PPFIA4: variants seen among roughly 807,000 people sequenced by gnomAD.
The protein encoded by PPFIA4 is liprin-alpha-4.
In PPFIA4, 98 loss-of-function variants were observed where a neutral mutation model predicts 145.7. The observed-to-expected ratio is 0.67, with a 90% CI of 0.57 to 0.80. The LOEUF is 0.80. PPFIA4 is among the 30% of genes least tolerant of loss of function. The probability of loss-of-function intolerance (pLI) is 0.00; values close to 1 mark genes in which losing one functional copy is unlikely to be tolerated. For synonymous variants in PPFIA4, 628 were observed against 649.6 expected, an observed-to-expected ratio of 0.97 and a Z score of 0.51; for missense variants, 1,457 against 1,632.7, an observed-to-expected ratio of 0.89 and a Z score of 1.85.
intron 27 of PPFIA4, among the ~76,000 whole-genome samples, chr1:203,069,262 A>G (rs1251393253): frequency 6.6e-6 from 1 of 152,200 alleles, no homozygotes; most frequent in Non-Finnish European, 1.5e-5. Context: ...TGGCCTTTCT[A>G]ACTTCCTGTG....
intron 1 of PPFIA4, among the ~76,000 whole-genome samples, chr1:203,036,530 G>A (rs182848116): frequency 7.2e-5 from 11 of 151,788 alleles, no homozygotes; most frequent in Non-Finnish European, 1.3e-4. Flanking sequence ...TTGGCCTCTC[G>A]TGGCATCTTG....
intron 28 of PPFIA4, among the ~76,000 whole-genome samples, chr1:203,073,265 G>A (rs1215044711): frequency 6.6e-6 from 1 of 152,234 alleles, no homozygotes; most frequent in African/African-American, 2.4e-5. Context: ...GAGCAGGACC[G>A]AAGCAGATGC....
rs139954622 is a variant in PPFIA4 at position 203,068,112 on chromosome 1, A to G, written c.3148+320A>G. Among the ~76,000 whole-genome samples the G allele has an allele frequency of 5.3e-3, 803 of 152,252 alleles. 8 individuals are homozygous for G. The highest frequency in any genetic ancestry group is 0.018 in the African/African-American group (753 of 41,526). On this transcript the variant is annotated intron_variant, in intron 26 of 29. Transcript: ENST00000295706. The surrounding 1 kb of genome is among the most constrained non-coding windows in gnomAD (Gnocchi z 4.7). ...TGGATGGGGCTGGATGGGAGATGCA[A>G]GTCTTAGAGGAGACCTTGAAGGTGG...
chr1:203,076,078 T>TAAGTGGGCC, intron 29 of PPFIA4: 1 of 588,300 alleles, frequency 1.7e-6, no homozygotes. Flanking sequence ...TGGCTCGGGG[T>TAAGTGGGCC]AAGTGGGCCA....
intron 24 of PPFIA4, chr1:203,063,392 C>G: frequency 6.0e-6 from 1 of 166,232 alleles, no homozygotes; most frequent in Non-Finnish European, 1.3e-5. Context: ...AGCCTTGTCC[C>G]GGAGTGAGAC....
rs542320355 is a variant in PPFIA4 at position 203,043,171 on chromosome 1, G to A, written c.235-226G>A. Among the ~76,000 whole-genome samples the A allele has an allele frequency of 6.6e-6, 1 of 152,286 alleles. No individual in the cohort carries two copies. The highest frequency in any genetic ancestry group is 2.1e-4 in the South Asian group (1 of 4,824). On this transcript the variant is annotated intron_variant, in intron 2 of 29. Coordinates refer to ENST00000295706, the MANE Select transcript of PPFIA4 (RefSeq NM_001304331.2). The surrounding 1 kb of genome is among the most constrained non-coding windows in gnomAD (Gnocchi z 4.4). ...CTCTTGTGTACAACTCTGTTCCCTT[G>A]GATTCTAACACATGGAATGCATGGA...
At chr1:203,040,594 G>A (rs1244547006) in intron 2 of PPFIA4, among the ~76,000 whole-genome samples, 1 of 152,252 alleles carries the variant, frequency 6.6e-6, no homozygotes, top group Non-Finnish European at 1.5e-5. Context: ...CTAGGAAGGA[G>A]ATACACCACC....
At chr1:203,052,848 G>A (rs1159283008) in intron 14 of PPFIA4, among the ~76,000 whole-genome samples, 1 of 152,208 alleles carries the variant, frequency 6.6e-6, no homozygotes, top group Non-Finnish European at 1.5e-5. Flanking sequence ...GCCTCTCAGG[G>A]TTGACCAGAC....
intron 2 of PPFIA4, among the ~76,000 whole-genome samples, chr1:203,039,566 C>A (rs1320147333): frequency 6.6e-6 from 1 of 152,190 alleles, no homozygotes; most frequent in African/African-American, 2.4e-5. Context: ...GTGCCCTATT[C>A]TTGGAGGTGG....
Position 203,055,992 on chromosome 1 carries a change from T to C in PPFIA4, c.2071-128T>C. ...GCTTTTTTTTTTTTTTCTGGCGTGA[T>C]ATTCTCTCCGGGCCTGTGTGAGGCA... On this transcript the variant is annotated intron_variant, in intron 16 of 29. Coordinates refer to ENST00000295706, the MANE Select transcript of PPFIA4 (RefSeq NM_001304331.2). The surrounding 1 kb of genome is among the most constrained non-coding windows in gnomAD (Gnocchi z 4.8). The C allele has an allele frequency of 2.2e-6, 2 of 918,898 alleles. No homozygotes were observed. Among genetic ancestry groups the C allele is most frequent in the Admixed American group, 2.9e-5 (1 of 34,314 alleles). The allele number at this position is 918,898 out of a possible 1,614,324, so 56.9% of individuals were successfully genotyped here. A position where few individuals can be genotyped will look rare whatever the true frequency, so the allele number is the denominator to read the frequency against.
At chr1:203,051,439 G>T (rs1049618570) in intron 13 of PPFIA4, 4 of 694,514 alleles carry the variant, frequency 5.8e-6, no homozygotes, top group South Asian at 4.9e-5. Context: ...GCCTCTGCTC[G>T]AATACCTCTT....
rs746417450 is a variant in PPFIA4, at chr1:203,057,056, G to C, written c.2407+106G>C. ...CTGCCTGCGTCCCAGGGACCAGTTG[G>C]GGGAAGCCCCAGGCAGGTTACCTCA... On this transcript the variant is annotated intron_variant, in intron 19 of 29. Transcript: ENST00000295706. The C allele has an allele frequency of 1.4e-4, 218 of 1,552,428 alleles. 1 individual carries two copies. The highest frequency in any genetic ancestry group is 7.2e-5 in the Non-Finnish European group (83 of 1,146,656).
rs535583347 is a variant in PPFIA4 at position 203,059,258 on chromosome 1, C to T, written c.2488C>T (p.Arg830Trp). The T allele has an allele frequency of 1.8e-5, 27 of 1,532,454 alleles. No homozygotes were observed. The South Asian group carries it at 2.3e-4, about 13-fold the overall frequency. 94.9% of individuals were successfully genotyped at this position (1,532,454 alleles called of 1,614,324 possible). Residue 830 changes from arginine to tryptophan, a missense_variant, in exon 20 of 30, where the codon CGG (arginine) becomes TGG (tryptophan). Transcript: ENST00000295706. ...KLGTQAEKDR[R>W]LKKKHQLLED... ...GGGGACCCAGGCAGAGAAGGACCGG[C>T]GGCTAAAGAAGAAGTAAGAGCCACA...
intron 2 of PPFIA4, among the ~76,000 whole-genome samples, chr1:203,040,120 A>T (rs1445915182): frequency 6.6e-6 from 1 of 152,238 alleles, no homozygotes; most frequent in Non-Finnish European, 1.5e-5. Flanking sequence ...TGGGCTGTTT[A>T]GCTGCTGCTT....
Position 203,060,493 on chromosome 1 carries a change from T to C in PPFIA4, c.2784+76T>C. 1.3e-6 allele frequency: 2 copies of C among 1,484,770 alleles called. No individual in the cohort carries two copies. The highest frequency in any genetic ancestry group is 1.2e-5 in the South Asian group (1 of 86,196). The allele number at this position is 1,484,770 out of a possible 1,614,324, so 92.0% of individuals were successfully genotyped here. Reference sequence around the variant, plus strand: ...GTTTGCAAGGTCTCCTGTTGGGCTTTGGGAAGATGGCAGCATTGAGCCCTG... The same window carrying C: ...GTTTGCAAGGTCTCCTGTTGGGCTTCGGGAAGATGGCAGCATTGAGCCCTG... On this transcript the variant is annotated intron_variant, in intron 22 of 29. Coordinates refer to ENST00000295706, the MANE Select transcript of PPFIA4 (RefSeq NM_001304331.2). This position sits in a 1 kb window ranked among gnomAD's most constrained non-coding sequence, Gnocchi z 4.8.
In PPFIA4 at chr1:203,043,809, G is replaced by A. The variant is rs973082688; in HGVS notation, c.337-122G>A. ...TCTGTGCCCATTTGGAAGTATTTCA[G>A]TGTTTTCACAGTGGGGTGGCTGTAA... On this transcript the variant is annotated intron_variant, in intron 3 of 29. Transcript: ENST00000295706. The surrounding 1 kb of genome is among the most constrained non-coding windows in gnomAD (Gnocchi z 4.4). The A allele has an allele frequency of 1.7e-5, 17 of 1,010,242 alleles. No homozygotes were observed. Among genetic ancestry groups the A allele is most frequent in the Non-Finnish European group, 2.4e-5 (17 of 705,494 alleles). 62.6% of individuals were successfully genotyped at this position (1,010,242 alleles called of 1,614,324 possible).
rs929195821 is a variant in PPFIA4, at chr1:203,075,960, T to C, written c.3574+203T>C. On this transcript the variant is annotated intron_variant, in intron 29 of 29. Coordinates refer to ENST00000295706, the MANE Select transcript of PPFIA4 (RefSeq NM_001304331.2). This position sits in a 1 kb window ranked among gnomAD's most constrained non-coding sequence, Gnocchi z 4.1. The stretch of plus-strand genomic sequence containing the variant: ...GTGTGTTCTCCCGCGGCTGCCGACT[T>C]CTCCCAGCTGGGACGGCGGGGTCGC... 5.1e-6 allele frequency: 3 copies of C among 583,738 alleles called. No individual in the cohort carries two copies. Among genetic ancestry groups the C allele is most frequent in the Admixed American group, 7.7e-5 (2 of 26,082 alleles). The allele number at this position is 583,738 out of a possible 1,614,324, so 36.2% of individuals were successfully genotyped here.
rs1227957526 is a variant in PPFIA4, at chr1:203,039,180, C to G, written c.172C>G (p.Leu58Val). The stretch of plus-strand genomic sequence containing the variant: ...GACCTTGGCGGCCACACAGAGCCGG[C>G]TCCAGGATGCCATACACGAGCGGGA... The part of the protein sequence containing the change: ...QETLAATQSR[L>V]QDAIHERDQL... Residue 58 changes from leucine to valine, a missense_variant, in exon 2 of 30, where the codon CTC (leucine) becomes GTC (valine). Physicochemically the swap from Leu to Val is conservative, Grantham distance 32 (BLOSUM62 1). Transcript: ENST00000295706. The G allele has an allele frequency of 1.2e-6, 2 of 1,607,434 alleles. No individual in the cohort carries two copies. The highest frequency in any genetic ancestry group is 3.4e-5 in the Admixed American group (2 of 59,374).
In PPFIA4 at chr1:203,048,298, G is replaced by C; in HGVS notation, c.1212G>C (p.Gln404His). 2 of 1,612,674 alleles carry C rather than the reference G, an allele frequency of 1.2e-6. No individual in the cohort carries two copies. Among genetic ancestry groups the C allele is most frequent in the Middle Eastern group, 3.3e-4 (2 of 6,052 alleles). Residue 404 changes from glutamine (Q) to histidine (H), a missense_variant, in exon 10 of 30, where the codon CAG becomes CAC. Gln to His is a conservative substitution (Grantham distance 24). Transcript: ENST00000295706. The surrounding 1 kb of genome is among the most constrained non-coding windows in gnomAD (Gnocchi z 5.8). The part of the protein sequence containing the change: ...QLEGQLEEKN[Q>H]ELARVRQREK... ...AGGGACAGCTGGAGGAGAAGAACCA[G>C]GAGCTGGCACGGGTGAGGGCACCAG...
Sources: gnomAD v4.1 joint callset for allele counts (sites outside exome capture counted in the v4.1 genomes callset) on GRCh38, gnomAD v4.1.1 for gene constraint, Gnocchi (gnomAD v3.1) non-coding constraint, MANE v1.5 for transcripts, NCBI Gene and HGNC (gene_info 2026-07-23, HGNC 2026-07-21) for gene names.